The following ANK3 variants were observed in gnomAD, a reference collection of about 807,000 sequenced individuals.
ANK3 encodes ankyrin 3, also known as ankyrin-3.
In ANK3, 57 loss-of-function variants were observed where a neutral mutation model predicts 370.9. That is an observed-to-expected ratio of 0.15 (90% CI 0.12 to 0.19). ANK3 has a LOEUF of 0.19. Among genes scored for constraint, ANK3 ranks in the 10% least tolerant of loss-of-function variants. ANK3 has a pLI of 1.00. For missense variants in ANK3, 4,439 were observed against 5,302.1 expected (o/e 0.84, Z 5.06); for synonymous variants, 1,929 against 1,946.3 (o/e 0.99, Z 0.23).
chr10:60,055,860 T>A lies in ANK3; in HGVS notation c.12863A>T (p.His4288Leu). ...STKETLKPKIHGSGHVEEPAS... is the reference protein window; with the variant it reads ...STKETLKPKILGSGHVEEPAS... ...TGGTTCTTCAACATGACCAGATCCA[T>A]GTATTTTTGGTTTCAGAGTTTCCTT... Residue 4288 changes from histidine (H) to leucine (L), a missense_variant, in exon 42 of 44, where the codon CAT becomes CTT. Physicochemically the swap from His to Leu is moderately conservative, Grantham distance 99. Around this residue, in one of 13 missense-constraint regions of ANK3, gnomAD observed 242 missense variants for 228.0 expected, o/e 1.06. Transcript: ENST00000280772. 6.2e-7 allele frequency: 1 copy of A among 1,614,192 alleles called. No individual in the cohort carries two copies. Among genetic ancestry groups the A allele is most frequent in the Non-Finnish European group, 8.5e-7 (1 of 1,180,010 alleles).
chr10:60,175,914 C>G (rs1030791645), intron 18 of ANK3, among the ~76,000 whole-genome samples: 1 of 152,180 alleles, frequency 6.6e-6, no homozygotes, highest in Non-Finnish European at 1.5e-5. Context: ...TAACTGTTAA[C>G]AATTATTTCA....
At chr10:60,048,331 A>G (rs561292506) in intron 42 of ANK3, among the ~76,000 whole-genome samples, 38 of 152,328 alleles carry the variant, frequency 2.5e-4, no homozygotes, top group African/African-American at 7.9e-4. Flanking sequence ...AGCCCCATCA[A>G]ATGGTTCCCA....
chr10:60,382,396 T>C (rs1594821929), intron 1 of ANK3, among the ~76,000 whole-genome samples: 1 of 152,126 alleles, frequency 6.6e-6, no homozygotes, highest in East Asian at 1.9e-4. Flanking sequence ...GAGGATATGA[T>C]CCTAATTAAT....
rs901469980 is a variant in ANK3 at position 60,278,939 on chromosome 10, G to A, written c.316-67C>T. ...TGAATTTTCCTGTTCTCCCCAAAGA[G>A]AACAAATTTGACAAATATCTTATGA... On this transcript the variant is annotated intron_variant, in intron 3 of 43. Coordinates refer to ENST00000280772, the MANE Select transcript of ANK3 (RefSeq NM_020987.5). 6 of 1,576,188 alleles carry A rather than the reference G, an allele frequency of 3.8e-6. No homozygotes were observed. In the African/African-American group the frequency reaches 4.0e-5, roughly 11 times the overall value.
chr10:60,583,831 G>A (rs1372551959), intron 2 of ANK3, among the ~76,000 whole-genome samples: 1 of 152,008 alleles, frequency 6.6e-6, no homozygotes, highest in Non-Finnish European at 1.5e-5. Context: ...TGATCCACCT[G>A]CCTTGACCTC....
At chr10:60,352,869 C>T (rs770001186) in intron 1 of ANK3, among the ~76,000 whole-genome samples, 4 of 151,528 alleles carry the variant, frequency 2.6e-5, no homozygotes, top group South Asian at 2.1e-4. Flanking sequence ...TTGTATTTAG[C>T]GTGAGTAAAT....
Position 60,648,155 on chromosome 10 carries a change from T to C in ANK3, c.58-32931A>G, listed in dbSNP as rs1263907616. 5.8e-5 allele frequency among the ~76,000 whole-genome samples: 4 copies of C among 68,478 alleles called. 1 individual carries two copies. Among genetic ancestry groups the C allele is most frequent in the Admixed American group, 5.1e-4 (3 of 5,926 alleles). 44.9% of individuals were successfully genotyped at this position (68,478 alleles called of 152,430 possible). A position where few individuals can be genotyped will look rare whatever the true frequency, so the allele number is the denominator to read the frequency against. On this transcript the variant is annotated intron_variant, in intron 1 of 43. Coordinates refer to the ANK3 transcript ENST00000373827. ...CCACTGCGGCCAGCCTCTTTTTTTT[T>C]TCCTTTTTTTTTTTTGAGATGGAGT...
rs865903754 is a variant in ANK3, at chr10:60,572,110, C to A, written c.96+43076G>T. ...ATAATAATATTCATTAGTAATTATA[C>A]CCTGTTGATTAACGAGCATTCTGTG... On this transcript the variant is annotated intron_variant, in intron 2 of 43. Coordinates refer to the ANK3 transcript ENST00000373827. Among the ~76,000 whole-genome samples the A allele has an allele frequency of 9.9e-5, 15 of 152,172 alleles. No homozygotes were observed. In the Middle Eastern group the frequency reaches 0.024, roughly 242 times the overall value.
In ANK3 at chr10:60,075,630, A is replaced by G. The variant is rs1468195870; in HGVS notation, c.5251T>C (p.Ser1751Pro). 6.2e-7 allele frequency: 1 copy of G among 1,613,950 alleles called. No individual in the cohort carries two copies. The highest frequency in any genetic ancestry group is 2.2e-5 in the East Asian group (1 of 44,866). The stretch of plus-strand genomic sequence containing the variant: ...GCTGCACTGACCACAGAGCTCACAG[A>G]GTTTGTAGCAGAAGAAATTTTTTCC... The part of the protein sequence containing the change: ...LQEKISSATN[S>P]VSSVVSAATD... Residue 1751 changes from serine (S) to proline (P), a missense_variant, in exon 37 of 44, where the codon TCT becomes CCT. Around this residue, in one of 13 missense-constraint regions of ANK3, gnomAD observed 679 missense variants for 791.0 expected, o/e 0.86. Transcript: ENST00000280772.
intron 40 of ANK3, among the ~76,000 whole-genome samples, chr10:60,061,432 G>A (rs2131937011): frequency 6.6e-6 from 1 of 152,236 alleles, no homozygotes; most frequent in Admixed American, 6.5e-5. Context: ...TACTTCTGTT[G>A]TGTTCTGGTG....
intron 1 of ANK3, among the ~76,000 whole-genome samples, chr10:60,631,434 C>T (rs1049647683): frequency 3.3e-5 from 5 of 151,796 alleles, no homozygotes; most frequent in East Asian, 1.9e-4. Flanking sequence ...TGGGAGGCTG[C>T]GGCACGAGAA....
At chr10:60,332,326 T>G (rs750279305) in intron 1 of ANK3, among the ~76,000 whole-genome samples, 1 of 152,226 alleles carries the variant, frequency 6.6e-6, no homozygotes, top group African/African-American at 2.4e-5. Flanking sequence ...TTTAATACAA[T>G]GTGTCAAGAA....
chr10:60,248,852 T>A (rs2097597389), intron 7 of ANK3, among the ~76,000 whole-genome samples: 1 of 152,200 alleles, frequency 6.6e-6, no homozygotes, highest in Non-Finnish European at 1.5e-5. Context: ...TATATCCTGA[T>A]AGTGAGTCTC....
intron 1 of ANK3, among the ~76,000 whole-genome samples, chr10:60,686,133 A>C (rs752145814): frequency 1.3e-5 from 2 of 152,164 alleles, no homozygotes; most frequent in Non-Finnish European, 2.9e-5. Context: ...GTGTGTATGG[A>C]GGTCACTATT....
intron 1 of ANK3, among the ~76,000 whole-genome samples, chr10:60,721,801 T>C (rs1564619785): frequency 6.6e-6 from 1 of 152,168 alleles, no homozygotes; most frequent in East Asian, 1.9e-4. Flanking sequence ...GAGCTTAAAA[T>C]TAGTTTAGTG....
chr10:60,183,653 G>A (rs2096255607), intron 17 of ANK3, among the ~76,000 whole-genome samples: 1 of 152,074 alleles, frequency 6.6e-6, no homozygotes, highest in African/African-American at 2.4e-5. Flanking sequence ...GAGGTTGGGA[G>A]TTTGAGACCA....
intron 1 of ANK3, among the ~76,000 whole-genome samples, chr10:60,661,410 G>A (rs978548927): frequency 8.6e-4 from 130 of 152,018 alleles, no homozygotes; most frequent in African/African-American, 2.9e-3. Context: ...ATGCCCTTCG[G>A]GGAGTCCTTC....
chr10:60,401,168 C>T (rs1357287229), intron 2 of ANK3, among the ~76,000 whole-genome samples: 4 of 152,136 alleles, frequency 2.6e-5, no homozygotes, highest in Admixed American at 1.3e-4. Context: ...TATGAGGTAT[C>T]TAAAACAATC....
At chr10:60,183,661 C>A (rs7073556) in intron 17 of ANK3, among the ~76,000 whole-genome samples, 3 of 151,758 alleles carry the variant, frequency 2.0e-5, no homozygotes, top group Non-Finnish European at 4.4e-5. Context: ...GAGTTTGAGA[C>A]CAGCCTGACC....
Sources: gnomAD v4.1 joint callset for allele counts (sites outside exome capture counted in the v4.1 genomes callset) on GRCh38, gnomAD v4.1.1 for gene constraint, gnomAD v4.1.1 regional missense constraint, MANE v1.5 for transcripts, NCBI Gene and HGNC (gene_info 2026-07-23, HGNC 2026-07-21) for gene names.